The following COP1 variants were observed in gnomAD, a reference collection of about 807,000 sequenced individuals.
The protein encoded by COP1 is E3 ubiquitin-protein ligase COP1.
Under a neutral mutation model 101.3 loss-of-function variants are expected in COP1, and 24 were observed. The observed-to-expected ratio is 0.24, with a 90% CI of 0.17 to 0.33. The LOEUF (loss-of-function observed/expected upper bound fraction) is 0.33, where lower values mean the gene tolerates loss of function less well. Ranked by LOEUF, COP1 falls within the 10% of genes least tolerant of loss-of-function variation. COP1 has a pLI of 1.00. For missense variants in COP1, 663 were observed against 906.2 expected (o/e 0.73, Z 3.45); for synonymous variants, 347 against 341.9 (o/e 1.01, Z -0.17).
chr1:176,059,715 T>C (rs1674515316), intron 11 of COP1, among the ~76,000 whole-genome samples: 1 of 152,116 alleles, frequency 6.6e-6, no homozygotes, highest in South Asian at 2.1e-4. Flanking sequence ...ACTCCTGACC[T>C]CGTGATCCAC....
At chr1:175,996,935 C>T (rs1009725607) in intron 15 of COP1, among the ~76,000 whole-genome samples, 15 of 151,848 alleles carry the variant, frequency 9.9e-5, no homozygotes, top group African/African-American at 1.7e-4. Context: ...GAGCCCACAT[C>T]GCCAAGTCAA....
At chr1:176,092,395 T>C (rs1371643227) in intron 9 of COP1, among the ~76,000 whole-genome samples, 2 of 152,126 alleles carry the variant, frequency 1.3e-5, no homozygotes, top group East Asian at 1.9e-4. Context: ...TTGCATGACA[T>C]AGAAATTAAG....
At chr1:176,049,843 T>C (rs1311671860) in intron 11 of COP1, among the ~76,000 whole-genome samples, 1 of 152,178 alleles carries the variant, frequency 6.6e-6, no homozygotes, top group Non-Finnish European at 1.5e-5. Flanking sequence ...CTACTTTTAT[T>C]ATGAAATCTG....
At chr1:176,043,142 G>A (rs1335385656) in intron 14 of COP1, 44 bp downstream of exon 14, 2 of 1,165,912 alleles carry the variant, frequency 1.7e-6, no homozygotes, top group East Asian at 2.3e-5. Context: ...ACAGTTAAGA[G>A]GGCCAGGGAG....
At chr1:175,995,417 C>A (rs564672821) in intron 15 of COP1, among the ~76,000 whole-genome samples, 1 of 151,786 alleles carries the variant, frequency 6.6e-6, no homozygotes, top group Non-Finnish European at 1.5e-5. Context: ...GAAGGAAATA[C>A]AGACACAAAA....
chr1:176,028,395 C>A (rs1668052393), intron 14 of COP1, among the ~76,000 whole-genome samples: 1 of 151,140 alleles, frequency 6.6e-6, no homozygotes, highest in Admixed American at 6.6e-5. Flanking sequence ...TGAAACCCTG[C>A]CTCTACTAAA....
chr1:176,051,060 A>T (rs1032332269), intron 11 of COP1, among the ~76,000 whole-genome samples: 4 of 151,992 alleles, frequency 2.6e-5, no homozygotes, highest in Non-Finnish European at 5.9e-5. Flanking sequence ...ACAAAGGGAT[A>T]AAAAAAAGAA....
Position 176,184,629 on chromosome 1 carries a change from T to C in COP1, c.467+4A>G. On this transcript the variant is annotated splice_donor_region_variant and intron_variant, in intron 2 of 19. Coordinates refer to ENST00000367669, the MANE Select transcript of COP1 (RefSeq NM_022457.7). ...GATTATTTTACTCAATAGAATTGTC[T>C]TACCAAAAGCTGTGGCCACATTTTG... The C allele has an allele frequency of 6.3e-7, 1 of 1,597,762 alleles. No individual in the cohort carries two copies. The highest frequency in any genetic ancestry group is 8.6e-7 in the Non-Finnish European group (1 of 1,168,712).
chr1:176,067,488 C>T (rs544755257), intron 11 of COP1, among the ~76,000 whole-genome samples: 1 of 152,258 alleles, frequency 6.6e-6, no homozygotes, highest in Non-Finnish European at 1.5e-5. Flanking sequence ...CAGCAGACAC[C>T]GGCAGGCCAT....
chr1:176,080,590 A>G lies in COP1; in HGVS notation c.1277+562T>C, dbSNP rs941715211. On this transcript the variant is annotated intron_variant, in intron 11 of 19. Coordinates refer to ENST00000367669, the MANE Select transcript of COP1 (RefSeq NM_022457.7). ...GGCATGAAAGAGGGAAAATCATCAT[A>G]CAATCCAAAGATATTAAGAGAATAA... 3.3e-5 allele frequency among the ~76,000 whole-genome samples: 5 copies of G among 152,286 alleles called. No individual in the cohort carries two copies. In the South Asian group the frequency reaches 1.0e-3, roughly 32 times the overall value.
intron 1 of COP1, among the ~76,000 whole-genome samples, chr1:176,200,749 T>C (rs780199568): frequency 1.3e-5 from 2 of 151,906 alleles, no homozygotes; most frequent in Admixed American, 6.5e-5. Context: ...TACCAACCTA[T>C]CTGAATAGAA....
chr1:176,166,991 T>A (rs791752), intron 3 of COP1, among the ~76,000 whole-genome samples: 41,576 of 152,118 alleles, frequency 0.27, 6,731 homozygotes, highest in East Asian at 0.52. Flanking sequence ...TGGTTACCTA[T>A]GGAAAATAAA....
In COP1 at chr1:176,088,509, T is replaced by C. The variant is rs186378532; in HGVS notation, c.1027-2619A>G. ...TATTGTGGGATCACATGTATGTGTTTGTCAAATCTCACTCAAGCAAATACA... is the reference window on the plus strand; with the variant it reads ...TATTGTGGGATCACATGTATGTGTTCGTCAAATCTCACTCAAGCAAATACA... On this transcript the variant is annotated intron_variant, in intron 9 of 19. Coordinates refer to ENST00000367669, the MANE Select transcript of COP1 (RefSeq NM_022457.7). Among the ~76,000 whole-genome samples the C allele has an allele frequency of 2.3e-3, 356 of 152,304 alleles. 2 individuals are homozygous for C. The highest frequency in any genetic ancestry group is 8.1e-3 in the African/African-American group (337 of 41,552).
intron 8 of COP1, among the ~76,000 whole-genome samples, chr1:176,119,915 C>T (rs1686828102): frequency 6.6e-6 from 1 of 152,058 alleles, no homozygotes; most frequent in African/African-American, 2.4e-5. Flanking sequence ...ATATATGTGG[C>T]CCAAGATAAC....
intron 6 of COP1, among the ~76,000 whole-genome samples, chr1:176,142,721 A>G (rs1690894622): frequency 6.6e-6 from 1 of 152,098 alleles, no homozygotes; most frequent in African/African-American, 2.4e-5. Context: ...CCAGAACAAA[A>G]AAAAAACAAA....
chr1:175,975,596 G>A (rs1300137618), intron 18 of COP1, among the ~76,000 whole-genome samples: 3 of 152,066 alleles, frequency 2.0e-5, no homozygotes, highest in Non-Finnish European at 4.4e-5. Context: ...TTTTAGTAGA[G>A]ACAGGGTGTT....
At chr1:176,027,367 TA>T (rs1667855275) in intron 15 of COP1, among the ~76,000 whole-genome samples, 1 of 152,178 alleles carries the variant, frequency 6.6e-6, no homozygotes, top group Non-Finnish European at 1.5e-5. Context: ...CATATCTACG[TA>T]TTAAAGATAA....
intron 3 of COP1, among the ~76,000 whole-genome samples, chr1:176,171,422 T>C (rs1054050754): frequency 1.2e-4 from 19 of 152,240 alleles, no homozygotes; most frequent in African/African-American, 4.6e-4. Flanking sequence ...AGACTTTGGC[T>C]TAAGGGAATG....
intron 8 of COP1, among the ~76,000 whole-genome samples, chr1:176,126,134 T>C (rs1179516301): frequency 6.6e-6 from 1 of 152,242 alleles, no homozygotes; most frequent in Non-Finnish European, 1.5e-5. Flanking sequence ...TCTATAGGTT[T>C]TTCCAAATAT....
Sources: gnomAD v4.1 joint callset for allele counts (sites outside exome capture counted in the v4.1 genomes callset) on GRCh38, gnomAD v4.1.1 for gene constraint, MANE v1.5 for transcripts, NCBI Gene and HGNC (gene_info 2026-07-23, HGNC 2026-07-21) for gene names.